ENTPD1: variants seen among roughly 807,000 people sequenced by gnomAD.
ENTPD1 encodes the protein ATP diphosphohydrolase.
Under a neutral mutation model 57.0 loss-of-function variants are expected in ENTPD1, and 33 were observed. The ratio of observed to expected loss-of-function variants is 0.58; its 90% CI spans 0.44 to 0.77. The LOEUF (loss-of-function observed/expected upper bound fraction) is 0.77. Ranked by LOEUF, ENTPD1 falls within the 30% of genes least tolerant of loss-of-function variation. ENTPD1 has a pLI of 0.00. For missense variants in ENTPD1, 501 were observed against 603.4 expected, an observed-to-expected ratio of 0.83 and a Z score of 1.78; for synonymous variants, 202 against 218.8, an observed-to-expected ratio of 0.92 and a Z score of 0.68.
chr10:95,867,030 T>C lies in ENTPD1; in HGVS notation c.*647T>C. The C allele has an allele frequency of 1.0e-6, 1 of 991,166 alleles. No individual in the cohort carries two copies. The highest frequency in any genetic ancestry group is 1.2e-6 in the Non-Finnish European group (1 of 833,188). 61.4% of individuals were successfully genotyped at this position (991,166 alleles called of 1,614,324 possible). A position where few individuals can be genotyped will look rare whatever the true frequency, so the allele number is the denominator to read the frequency against. The stretch of plus-strand genomic sequence containing the variant: ...CAATAAATCACATATTCCTAGGTGA[T>C]ACCCAAATGCTACAGAGTGGAACAC... On this transcript the variant is annotated 3_prime_UTR_variant, in exon 10 of 10. Coordinates refer to ENST00000371205, the MANE Select transcript of ENTPD1 (RefSeq NM_001776.6).
chr10:95,869,336 G>A lies in ENTPD1; in HGVS notation c.*2953G>A, dbSNP rs377105171. On this transcript the variant is annotated 3_prime_UTR_variant, in exon 10 of 10. Transcript: ENST00000371205. ...GCTATCTCGGCTCACTGCAACCTCC[G>A]CCTCCTGGGTTCAAGCAATTCTCCT... The A allele has an allele frequency of 3.5e-6, 3 of 846,616 alleles. No homozygotes were observed. The highest frequency in any genetic ancestry group is 4.2e-6 in the Non-Finnish European group (3 of 716,188). 52.4% of individuals were successfully genotyped at this position (846,616 alleles called of 1,614,324 possible). A position where few individuals can be genotyped will look rare whatever the true frequency, so the allele number is the denominator to read the frequency against.
intron 1 of ENTPD1, among the ~76,000 whole-genome samples, chr10:95,763,796 TTTAG>T (rs1304255142): frequency 5.3e-5 from 8 of 152,238 alleles, no homozygotes; most frequent in Admixed American, 3.3e-4. Flanking sequence ...TGCTGGTGGC[TTTAG>T]TTAGTTAACA....
intron 2 of ENTPD1, among the ~76,000 whole-genome samples, chr10:95,837,973 C>T (rs1019088960): frequency 6.6e-6 from 1 of 151,566 alleles, no homozygotes; most frequent in Admixed American, 6.6e-5. Flanking sequence ...CACACACACA[C>T]ACACACACAC....
intron 2 of ENTPD1, among the ~76,000 whole-genome samples, chr10:95,825,257 T>G (rs10736093): frequency 0.5 from 76,377 of 152,124 alleles, 19,677 homozygotes; most frequent in Admixed American, 0.6. Context: ...AAAGTTCTAT[T>G]GGACATTGCC....
intron 1 of ENTPD1, among the ~76,000 whole-genome samples, chr10:95,821,388 T>C (rs964656091): frequency 2.0e-5 from 3 of 152,238 alleles, no homozygotes; most frequent in African/African-American, 7.2e-5. Flanking sequence ...TTGAATGCCA[T>C]CCCTTCCAGG....
At chr10:95,808,218 A>T (rs1175479443) in intron 1 of ENTPD1, among the ~76,000 whole-genome samples, 1 of 152,182 alleles carries the variant, frequency 6.6e-6, no homozygotes, top group Non-Finnish European at 1.5e-5. Context: ...GATGAATCAC[A>T]TTTATTGATT....
At chr10:95,727,880 T>C (rs1200729287) in intron 1 of ENTPD1, among the ~76,000 whole-genome samples, 1 of 152,230 alleles carries the variant, frequency 6.6e-6, no homozygotes, top group Non-Finnish European at 1.5e-5. Flanking sequence ...AATTTTTATA[T>C]GTGGAGTGAC....
At chr10:95,810,623 C>T (rs1174674285) in intron 1 of ENTPD1, among the ~76,000 whole-genome samples, 2 of 152,244 alleles carry the variant, frequency 1.3e-5, no homozygotes, top group Non-Finnish European at 2.9e-5. Context: ...CATATTCCTT[C>T]TTCACTCAGG....
At position 95,839,774 on chromosome 10, in the gene ENTPD1, C is replaced by T. The variant is rs538046581; in HGVS notation, c.228C>T (p.Gly76=). The T allele has an allele frequency of 6.6e-5, 107 of 1,613,832 alleles. No homozygotes were observed. The South Asian group carries it at 7.7e-4, about 12-fold the overall frequency. The change falls in exon 3 of 10, where the codon GGC becomes GGT. Residue 76 remains glycine (G), a synonymous_variant. Coordinates refer to ENST00000371205, the MANE Select transcript of ENTPD1 (RefSeq NM_001776.6). ...KWPAEKENDT[G]VVHQVEECRV... ...CAGCAGAAAAGGAGAATGACACAGGCGTGGTGCATCAAGTAGAAGAATGCA... is the reference window on the plus strand; with the variant it reads ...CAGCAGAAAAGGAGAATGACACAGGTGTGGTGCATCAAGTAGAAGAATGCA...
chr10:95,781,217 C>T (rs536985669), intron 1 of ENTPD1, among the ~76,000 whole-genome samples: 19 of 152,082 alleles, frequency 1.2e-4, no homozygotes, highest in Non-Finnish European at 8.8e-5. Context: ...AATAATTGAA[C>T]TGAGAGAGAG....
At chr10:95,800,203 C>T (rs546643467) in intron 1 of ENTPD1, among the ~76,000 whole-genome samples, 1 of 152,072 alleles carries the variant, frequency 6.6e-6, no homozygotes, top group Non-Finnish European at 1.5e-5. Context: ...AGAAAGAGTA[C>T]AAAGAGAGAA....
At chr10:95,807,136 A>AG (rs1433500150) in intron 1 of ENTPD1, among the ~76,000 whole-genome samples, 1 of 152,066 alleles carries the variant, frequency 6.6e-6, no homozygotes, top group African/African-American at 2.4e-5. Context: ...TAGAGGTAGT[A>AG]GGGCTTGCTG....
At chr10:95,703,133 A>G in the ENTPD1 span, among the ~76,000 whole-genome samples, 1 of 152,166 alleles carries the variant, frequency 6.6e-6, no homozygotes, top group Non-Finnish European at 1.5e-5. Context: ...AAAGTAGAAT[A>G]TCTTTAAGGA....
chr10:95,744,653 CT>C lies in ENTPD1; in HGVS notation c.37+32664del, dbSNP rs1354379968. On this transcript the variant is annotated intron_variant, in intron 1 of 9. Transcript: ENST00000453258. ...AAAAAAAAGTGACTAGGTCAGCACC[CT>C]TTTCCTCTACCTCCCTCTGTGAGGT... Among the ~76,000 whole-genome samples, 20 of 151,184 alleles carry C rather than the reference CT, an allele frequency of 1.3e-4. No homozygotes were observed. In the East Asian group the frequency reaches 3.5e-3, roughly 26 times the overall value.
At chr10:95,802,075 C>T (rs2098252003) in intron 1 of ENTPD1, among the ~76,000 whole-genome samples, 1 of 152,086 alleles carries the variant, frequency 6.6e-6, no homozygotes, top group Non-Finnish European at 1.5e-5. Context: ...AACATGTGCC[C>T]AAGGTGATCG....
intron 7 of ENTPD1, among the ~76,000 whole-genome samples, chr10:95,858,089 A>G (rs1436964056): frequency 6.6e-6 from 1 of 151,606 alleles, no homozygotes; most frequent in Non-Finnish European, 1.5e-5. Flanking sequence ...ACCCGGACGC[A>G]GAGCTTGCAG....
intron 1 of ENTPD1, among the ~76,000 whole-genome samples, chr10:95,814,072 G>A (rs573808557): frequency 9.8e-5 from 15 of 152,312 alleles, no homozygotes; most frequent in East Asian, 7.7e-4. Flanking sequence ...GAAGCAATGC[G>A]CTTATTGCTG....
chr10:95,770,277 G>T (rs1355777586), intron 1 of ENTPD1, among the ~76,000 whole-genome samples: 3 of 151,666 alleles, frequency 2.0e-5, no homozygotes, highest in African/African-American at 7.3e-5. Flanking sequence ...GTGTGTGTGT[G>T]TGTGTGTTGG....
intron 1 of ENTPD1, among the ~76,000 whole-genome samples, chr10:95,767,028 C>T (rs1197348190): frequency 6.6e-6 from 1 of 151,926 alleles, no homozygotes; most frequent in Non-Finnish European, 1.5e-5. Flanking sequence ...TACAGGCGTG[C>T]ACCACCATAC....
Sources: gnomAD v4.1 joint callset for allele counts (sites outside exome capture counted in the v4.1 genomes callset) on GRCh38, gnomAD v4.1.1 for gene constraint, MANE v1.5 for transcripts, NCBI Gene and HGNC (gene_info 2026-07-23, HGNC 2026-07-21) for gene names.